SPECC1L: variants seen among roughly 807,000 people sequenced by gnomAD.
SPECC1L encodes the protein sperm antigen with calponin homology and coiled-coil domains 1 like, also known as cytospin-A.
In SPECC1L, 40 loss-of-function variants were observed where a neutral mutation model predicts 116.8. That is an observed-to-expected ratio of 0.34 (90% CI 0.27 to 0.45). SPECC1L has a LOEUF of 0.45. SPECC1L is among the 20% of genes least tolerant of loss of function. The pLI is 1.00. For missense variants in SPECC1L, 1,110 were observed against 1,373.6 expected, an observed-to-expected ratio of 0.81 and a Z score of 3.03; for synonymous variants, 504 against 500.6, an observed-to-expected ratio of 1.01 and a Z score of -0.09.
intron 14 of SPECC1L, among the ~76,000 whole-genome samples, chr22:24,388,834 AT>A (rs568901832): frequency 6.6e-6 from 1 of 151,956 alleles, no homozygotes; most frequent in Non-Finnish European, 1.5e-5. Context: ...TAGTTGTGTT[AT>A]TTTTTTTACA....
At chr22:24,312,200 T>C (rs2040475404) in intron 3 of SPECC1L, among the ~76,000 whole-genome samples, 1 of 152,190 alleles carries the variant, frequency 6.6e-6, no homozygotes, top group Admixed American at 6.5e-5. Flanking sequence ...GTTGAACTCC[T>C]GGGCTCAAGT....
At chr22:24,314,464 T>C (rs2040521887) in intron 4 of SPECC1L, among the ~76,000 whole-genome samples, 1 of 152,260 alleles carries the variant, frequency 6.6e-6, no homozygotes, top group South Asian at 2.1e-4. Context: ...CCAACAGTCT[T>C]ATAAATATTT....
intron 14 of SPECC1L, among the ~76,000 whole-genome samples, chr22:24,410,078 G>T (rs920435108): frequency 2.0e-5 from 3 of 152,240 alleles, no homozygotes; most frequent in African/African-American, 4.8e-5. Context: ...CACATAGCCG[G>T]CCTTAATCGG....
At chr22:24,369,171 TG>T in intron 13 of SPECC1L, 46 bp from the exon 14 acceptor site, 1 of 1,364,958 alleles carries the variant, frequency 7.3e-7, no homozygotes, top group Non-Finnish European at 1.0e-6. Context: ...TCTCTTATTC[TG>T]GTGCCCAAAC....
chr22:24,355,281 CAAAAAA>C (rs751981921), intron 11 of SPECC1L, among the ~76,000 whole-genome samples: 3 of 56,012 alleles, frequency 5.4e-5, no homozygotes, highest in South Asian at 7.1e-4. Flanking sequence ...GACTCCATCT[CAAAAAA>C]AAAAAAAAAA....
At chr22:24,394,962 C>G (rs9608280) in intron 14 of SPECC1L, among the ~76,000 whole-genome samples, 1 of 152,074 alleles carries the variant, frequency 6.6e-6, no homozygotes, top group Non-Finnish European at 1.5e-5. Context: ...TCCAAAGTAG[C>G]TGAGACTACA....
intron 6 of SPECC1L, among the ~76,000 whole-genome samples, chr22:24,325,955 G>A (rs1383418202): frequency 6.6e-6 from 1 of 152,040 alleles, no homozygotes; most frequent in Admixed American, 6.6e-5. Context: ...GTTTTTTGCT[G>A]TTTGTTTGCT....
At chr22:24,281,427 T>A (rs2048940351) in intron 2 of SPECC1L, among the ~76,000 whole-genome samples, 1 of 152,230 alleles carries the variant, frequency 6.6e-6, no homozygotes, top group African/African-American at 2.4e-5. Context: ...AAATTGAATC[T>A]CCTAACCCAT....
chr22:24,317,930 C>T (rs577860037), intron 4 of SPECC1L, among the ~76,000 whole-genome samples: 23 of 151,788 alleles, frequency 1.5e-4, no homozygotes, highest in Non-Finnish European at 1.6e-4. Flanking sequence ...GATGGGCGGC[C>T]GGGCAGAGAC....
chr22:24,302,072 C>T, intron 2 of SPECC1L, 123 bp from the exon 3 acceptor site: 1 of 764,142 alleles, frequency 1.3e-6, no homozygotes. Context: ...TTTTTTTCAA[C>T]TTTTCTGTAG....
Position 24,317,508 on chromosome 22 carries a change from A to C in SPECC1L, c.308-3780A>C, listed in dbSNP as rs1176631995. 1.4e-3 allele frequency among the ~76,000 whole-genome samples: 165 copies of C among 117,880 alleles called. 10 individuals carry two copies. Among genetic ancestry groups the C allele is most frequent in the African/African-American group, 4.6e-3 (151 of 33,070 alleles). 77.3% of individuals were successfully genotyped at this position (117,880 alleles called of 152,430 possible). A position where few individuals can be genotyped will look rare whatever the true frequency, so the allele number is the denominator to read the frequency against. ...GCTGACCCCCCCACCTCCCTCCCGG[A>C]CGGGGCGGCTGGCCAGGCAGAGGGG... On this transcript the variant is annotated intron_variant, in intron 4 of 16. Coordinates refer to ENST00000314328, the MANE Select transcript of SPECC1L (RefSeq NM_015330.6).
At chr22:24,275,235 T>A (rs1253993442) in intron 1 of SPECC1L, among the ~76,000 whole-genome samples, 1 of 152,244 alleles carries the variant, frequency 6.6e-6, no homozygotes, top group Non-Finnish European at 1.5e-5. Context: ...TCTGCTGGGG[T>A]GCTGGTACAG....
intron 1 of SPECC1L, among the ~76,000 whole-genome samples, chr22:24,274,838 C>T (rs2048801026): frequency 1.3e-5 from 2 of 152,190 alleles, no homozygotes; most frequent in Admixed American, 1.3e-4. Flanking sequence ...CCCCTGTTCT[C>T]CTTCCCCTAC....
At chr22:24,397,751 T>A (rs1310660694) in intron 14 of SPECC1L, among the ~76,000 whole-genome samples, 2 of 151,686 alleles carry the variant, frequency 1.3e-5, no homozygotes, top group Non-Finnish European at 2.9e-5. Context: ...CTGCTTCATA[T>A]TTTTTTTAGC....
chr22:24,354,212 T>A (rs2041482095), intron 11 of SPECC1L, among the ~76,000 whole-genome samples: 1 of 152,188 alleles, frequency 6.6e-6, no homozygotes, highest in African/African-American at 2.4e-5. Flanking sequence ...CACTGGGGCT[T>A]ACATTTGAGC....
intron 7 of SPECC1L, among the ~76,000 whole-genome samples, 190 bp downstream of exon 7, chr22:24,329,109 T>C (rs974942087): frequency 6.6e-6 from 1 of 152,208 alleles, no homozygotes; most frequent in South Asian, 2.1e-4. Flanking sequence ...GGTAGAAGAA[T>C]GTACTATAGG....
rs781324727 is a variant in SPECC1L at position 24,322,361 on chromosome 22, C to G, written c.1381C>G (p.Arg461Gly). The G allele has an allele frequency of 1.9e-6, 3 of 1,614,162 alleles. No individual in the cohort carries two copies. The highest frequency in any genetic ancestry group is 2.2e-5 in the East Asian group (1 of 44,890). Residue 461 changes from arginine (R) to glycine (G), a missense_variant, in exon 5 of 17, where the codon CGA (arginine) becomes GGA (glycine). Coordinates refer to ENST00000314328, the MANE Select transcript of SPECC1L (RefSeq NM_015330.6). The stretch of plus-strand genomic sequence containing the variant: ...GAGCGATAAGTTGGAACACTTTAGT[C>G]GACAGATTGAATACTTCCGCTCTCT... The part of the protein sequence containing the change: ...QQSDKLEHFS[R>G]QIEYFRSLLD...
chr22:24,338,580 A>T (rs2041109326), intron 10 of SPECC1L, 103 bp downstream of exon 10: 3 of 930,624 alleles, frequency 3.2e-6, no homozygotes, highest in Non-Finnish European at 3.5e-6. Context: ...GTAAATGACT[A>T]CCTCAGCAGG....
chr22:24,346,651 A>C (rs967284490), intron 10 of SPECC1L, among the ~76,000 whole-genome samples: 1 of 152,168 alleles, frequency 6.6e-6, no homozygotes, highest in Non-Finnish European at 1.5e-5. Flanking sequence ...GAGGGGTGTG[A>C]CTGTAAAAGG....
Sources: gnomAD v4.1 joint callset for allele counts (sites outside exome capture counted in the v4.1 genomes callset) on GRCh38, gnomAD v4.1.1 for gene constraint, MANE v1.5 for transcripts, NCBI Gene and HGNC (gene_info 2026-07-23, HGNC 2026-07-21) for gene names.